Variants in LINGO1 observed in about 807,000 individuals in gnomAD.
LINGO1 encodes the protein leucine rich repeat and Ig domain containing 1, also known as leucine-rich repeat and immunoglobulin-like domain-containing nogo receptor-interacting protein 1.
A neutral mutation model predicts 37.3 loss-of-function variants in LINGO1; 11 were observed. The ratio of observed to expected loss-of-function variants is 0.29; its 90% CI spans 0.19 to 0.49. The LOEUF (loss-of-function observed/expected upper bound fraction) is 0.49. LINGO1 is among the 20% of genes least tolerant of loss of function. The pLI, the probability that LINGO1 is intolerant of heterozygous loss-of-function variation, is 0.99. For missense variants in LINGO1, 585 were observed against 878.2 expected (o/e 0.67, Z 4.22); for synonymous variants, 387 against 403.0 (o/e 0.96, Z 0.48).
intron 2 of LINGO1, among the ~76,000 whole-genome samples, chr15:77,734,260 G>A (rs7179534): frequency 0.13 from 19,582 of 152,042 alleles, 1,667 homozygotes; most frequent in African/African-American, 0.24. Flanking sequence ...GGCTGACTCG[G>A]AAGAGACGCC....
chr15:77,638,550 A>C (rs564404896), upstream of LINGO1, among the ~76,000 whole-genome samples: 4 of 152,224 alleles, frequency 2.6e-5, no homozygotes, highest in African/African-American at 9.7e-5. Flanking sequence ...TAATGTGTGC[A>C]AACAGGCAGC....
intron 1 of LINGO1, among the ~76,000 whole-genome samples, chr15:77,779,708 C>T (rs142900891): frequency 3.3e-5 from 5 of 152,282 alleles, no homozygotes; most frequent in African/African-American, 2.4e-5. Flanking sequence ...AAGCTTCACT[C>T]GCTCACTACT....
At position 77,615,675 on chromosome 15, in the gene LINGO1, G is replaced by A; in HGVS notation, c.232C>T (p.Leu78=). ...GIPTETRLLD[L]GKNRIKTLNQ... is the part of the protein sequence containing the mutation. Reference sequence around the variant, plus strand: ...AGCGTTTTGATGCGGTTCTTGCCTAGGTCCAGCAGGCGCGTCTCGGTGGGG... The same window carrying A: ...AGCGTTTTGATGCGGTTCTTGCCTAAGTCCAGCAGGCGCGTCTCGGTGGGG... Residue 78 remains leucine (L), a synonymous_variant, in exon 2 of 2, where the codon CTA becomes TTA. Coordinates refer to ENST00000355300, the MANE Select transcript of LINGO1 (RefSeq NM_032808.7). 1.2e-6 allele frequency: 2 copies of A among 1,609,338 alleles called. No homozygotes were observed. The highest frequency in any genetic ancestry group is 1.1e-5 in the South Asian group (1 of 90,478).
At chr15:77,673,750 C>T (rs868428379) in intron 3 of LINGO1, among the ~76,000 whole-genome samples, 17 of 152,144 alleles carry the variant, frequency 1.1e-4, no homozygotes, top group Admixed American at 9.8e-4. Context: ...TAGCCCAGAC[C>T]TGTCCCCTGG....
rs572802634 is a variant in LINGO1 at position 77,798,078 on chromosome 15, C to T, written c.-457-2025G>A. ...GTGAAGAGAGACCTGCTCAGCCCCA[C>T]GGTTCACCAGCCCCAAACTAGGCCC... On this transcript the variant is annotated intron_variant, in intron 1 of 5. Transcript: ENST00000562933. 2.0e-4 allele frequency among the ~76,000 whole-genome samples: 30 copies of T among 152,324 alleles called. No individual in the cohort carries two copies. The South Asian group carries it at 6.0e-3, about 30-fold the overall frequency.
chr15:77,716,924 G>A (rs892915517), intron 2 of LINGO1, among the ~76,000 whole-genome samples: 4 of 150,370 alleles, frequency 2.7e-5, no homozygotes, highest in African/African-American at 4.8e-5. Context: ...CCAGAATCTC[G>A]GATTCCAGCC....
chr15:77,785,755 A>C (rs1186964575), intron 1 of LINGO1, among the ~76,000 whole-genome samples: 4 of 151,926 alleles, frequency 2.6e-5, no homozygotes. Flanking sequence ...AATCCTCCCG[A>C]GCTCTAAGGA....
At chr15:77,764,655 TA>T (rs2076509742) in intron 1 of LINGO1, among the ~76,000 whole-genome samples, 1 of 152,210 alleles carries the variant, frequency 6.6e-6, no homozygotes, top group Middle Eastern at 3.4e-3. Context: ...GGTGGACAGC[TA>T]AAAAGCCAGA....
chr15:77,816,649 A>G (rs1181476536), intron 1 of LINGO1, among the ~76,000 whole-genome samples: 1 of 152,150 alleles, frequency 6.6e-6, no homozygotes, highest in African/African-American at 2.4e-5. Context: ...TCCTAAAGGG[A>G]GCAGCCAGTA....
intron 3 of LINGO1, among the ~76,000 whole-genome samples, chr15:77,676,664 C>T (rs563143460): frequency 5.3e-5 from 8 of 152,230 alleles, no homozygotes; most frequent in South Asian, 2.1e-4. Flanking sequence ...TGGGCAGCGG[C>T]GGTGAAAAGG....
intron 1 of LINGO1, among the ~76,000 whole-genome samples, chr15:77,752,527 A>G (rs538959446): frequency 3.3e-5 from 5 of 152,272 alleles, no homozygotes; most frequent in African/African-American, 1.2e-4. Context: ...TTTTTGACAA[A>G]TGCCAGGGAA....
At chr15:77,773,177 T>C (rs139239779) in intron 1 of LINGO1, among the ~76,000 whole-genome samples, 1 of 152,302 alleles carries the variant, frequency 6.6e-6, no homozygotes, top group Non-Finnish European at 1.5e-5. Context: ...CTATAAGGCC[T>C]CAGTCTCCAC....
At chr15:77,807,153 A>G (rs2076967030) in intron 1 of LINGO1, among the ~76,000 whole-genome samples, 3 of 152,128 alleles carry the variant, frequency 2.0e-5, no homozygotes, top group African/African-American at 7.2e-5. Flanking sequence ...GCGCAGTCCA[A>G]ATGCTTCTCT....
chr15:77,674,080 G>A (rs936182331), intron 3 of LINGO1, among the ~76,000 whole-genome samples: 6 of 151,458 alleles, frequency 4.0e-5, no homozygotes, highest in Admixed American at 2.6e-4. Flanking sequence ...ACACCAACCC[G>A]CTCCTCTCCG....
chr15:77,679,568 A>G (rs11855874), intron 2 of LINGO1, among the ~76,000 whole-genome samples: 19,655 of 152,242 alleles, frequency 0.13, 1,372 homozygotes, highest in Middle Eastern at 0.19. Flanking sequence ...AGATGCTATC[A>G]ATACTCCCAT....
intron 2 of LINGO1, among the ~76,000 whole-genome samples, chr15:77,795,191 T>A (rs2076863142): frequency 6.6e-6 from 1 of 152,130 alleles, no homozygotes; most frequent in Non-Finnish European, 1.5e-5. Context: ...TAGAGGTGAC[T>A]TGTCCAAGGT....
Position 77,614,514 on chromosome 15 carries a change from G to A in LINGO1, c.1393C>T (p.Leu465=). ...CGCCCATTGCTCTTGGCTGAGACCA[G>A]GTGCTTTCGGGGTGAGAGCCAGAGG... ...AILWLSPRKH[L]VSAKSNGRLT... Residue 465 remains leucine, a synonymous_variant, in exon 2 of 2, where the codon CTG becomes TTG. Transcript: ENST00000355300. 6.2e-7 allele frequency: 1 copy of A among 1,610,744 alleles called. No homozygotes were observed. The highest frequency in any genetic ancestry group is 8.5e-7 in the Non-Finnish European group (1 of 1,179,690).
chr15:77,751,662 GC>G (rs1220376411), intron 1 of LINGO1, among the ~76,000 whole-genome samples: 1 of 152,140 alleles, frequency 6.6e-6, no homozygotes, highest in Non-Finnish European at 1.5e-5. Context: ...CTTCCCACTA[GC>G]CCCAAAGCCT....
chr15:77,637,123 G>C (rs2074412176), upstream of LINGO1, among the ~76,000 whole-genome samples: 2 of 152,208 alleles, frequency 1.3e-5, no homozygotes, highest in Non-Finnish European at 2.9e-5. The surrounding 1 kb of genome is among the most constrained non-coding windows in gnomAD (Gnocchi z 4.6). Context: ...CCCTCATCCA[G>C]TGCTGCCCAA....
Sources: allele counts gnomAD v4.1 joint callset (sites outside exome capture counted in the v4.1 genomes callset), GRCh38; gene constraint gnomAD v4.1.1; non-coding constraint Gnocchi (gnomAD v3.1); transcripts MANE v1.5; gene names NCBI Gene and HGNC (gene_info 2026-07-23, HGNC 2026-07-21).